TSTD2: variants seen among roughly 807,000 people sequenced by gnomAD.
TSTD2 encodes the protein thiosulfate sulfurtransferase/rhodanese-like domain-containing protein 2.
A neutral mutation model predicts 47.9 loss-of-function variants in TSTD2; 37 were observed. The ratio of observed to expected loss-of-function variants is 0.77; its 90% confidence interval spans 0.59 to 1.02. The LOEUF is 1.02. Ranked by LOEUF, TSTD2 falls within the 50% of genes least tolerant of loss-of-function variation. The pLI is 0.00. For missense variants in TSTD2, 586 were observed against 616.0 expected (o/e 0.95, Z 0.52); for synonymous variants, 201 against 215.9 (o/e 0.93, Z 0.61).
intron 6 of TSTD2, among the ~76,000 whole-genome samples, chr9:97,607,628 C>A (rs1826385852): frequency 6.6e-6 from 1 of 152,238 alleles, no homozygotes; most frequent in South Asian, 2.1e-4. Flanking sequence ...GTAGGCCAGG[C>A]ATGGTGGCTC....
At position 97,611,631 on chromosome 9, in the gene TSTD2, C is replaced by T; in HGVS notation, c.672G>A (p.Val224=). 6.2e-7 allele frequency: 1 copy of T among 1,610,764 alleles called. No individual in the cohort carries two copies. The highest frequency in any genetic ancestry group is 1.1e-5 in the South Asian group (1 of 90,992). The change falls in exon 5 of 10, where the codon GTG becomes GTA. Residue 224 remains valine, a synonymous_variant. Coordinates refer to ENST00000341170, the MANE Select transcript of TSTD2 (RefSeq NM_139246.5). ...GGSKLATRLY[V]EVMLSFPLFK... ...ACAATGGGAAGGAAAGCATGACTTC[C>T]ACATAAAGTCTGGTAGCCAATTTGC... is the stretch of plus-strand genomic sequence containing the variant.
At chr9:97,605,254 T>C (rs1169243674) in intron 8 of TSTD2, among the ~76,000 whole-genome samples, 1 of 152,254 alleles carries the variant, frequency 6.6e-6, no homozygotes, top group Admixed American at 6.5e-5. Flanking sequence ...TCTCTCCCTT[T>C]TACATCTGAT....
At chr9:97,612,802 C>T (rs748578558) in intron 4 of TSTD2, among the ~76,000 whole-genome samples, 3 of 152,214 alleles carry the variant, frequency 2.0e-5, no homozygotes, top group Admixed American at 1.3e-4. Flanking sequence ...GTGATCTACC[C>T]GCCTTGGCCT....
intron 4 of TSTD2, 27 bp downstream of exon 4, chr9:97,617,730 A>G: frequency 6.3e-7 from 1 of 1,592,368 alleles, no homozygotes; most frequent in South Asian, 1.1e-5. Context: ...GACCCAGTGA[A>G]GGAAGGAATA....
Position 97,602,854 on chromosome 9 carries a change from C to T in TSTD2, c.1253-87G>A, listed in dbSNP as rs529477256. On this transcript the variant is annotated intron_variant, in intron 9 of 9. Coordinates refer to ENST00000341170, the MANE Select transcript of TSTD2 (RefSeq NM_139246.5). ...TTGCTCCCTTTGCTGACTAGAATCT[C>T]GTAGATCCTGTGGAACCCGGGGAAG... 305 of 1,380,728 alleles carry T rather than the reference C, an allele frequency of 2.2e-4. No homozygotes were observed. The African/African-American group carries it at 2.3e-3, about 10-fold the overall frequency. The allele number at this position is 1,380,728 out of a possible 1,614,324, so 85.5% of individuals were successfully genotyped here. A position where few individuals can be genotyped will look rare whatever the true frequency, so the allele number is the denominator to read the frequency against.
chr9:97,603,065 T>A, intron 9 of TSTD2: 1 of 300,322 alleles, frequency 3.3e-6, no homozygotes, highest in Non-Finnish European at 6.4e-6. Flanking sequence ...TTTCTCTCTC[T>A]CACCAGCTAT....
intron 4 of TSTD2, among the ~76,000 whole-genome samples, chr9:97,616,553 C>T (rs1230449511): frequency 6.6e-6 from 1 of 151,888 alleles, no homozygotes; most frequent in African/African-American, 2.4e-5. Context: ...GAGAAGGGAA[C>T]GGAATTAAGG....
intron 6 of TSTD2, 147 bp from the exon 7 acceptor site, chr9:97,606,408 C>T: frequency 1.7e-6 from 1 of 574,198 alleles, no homozygotes; most frequent in South Asian, 2.3e-5. Flanking sequence ...GAAAAGAACA[C>T]TACTTGATGA....
chr9:97,607,312 C>T (rs1359224426), intron 6 of TSTD2, among the ~76,000 whole-genome samples: 1 of 152,176 alleles, frequency 6.6e-6, no homozygotes, highest in Non-Finnish European at 1.5e-5. Context: ...GGTGAATCTG[C>T]ATTATGAGGT....
At chr9:97,621,363 ATG>A (rs1387256466) in intron 3 of TSTD2, among the ~76,000 whole-genome samples, 3 of 142,388 alleles carry the variant, frequency 2.1e-5, no homozygotes, top group African/African-American at 9.0e-5. Flanking sequence ...TTTGTAAAAC[ATG>A]TGTGTTTGAA....
chr9:97,625,853 T>G lies in TSTD2; in HGVS notation c.310A>C (p.Ile104Leu), dbSNP rs781264647. ...AAAATAGAAGCTGTCTGGTGATAAA[T>G]TTCATCAGCATGTTGTGTTGCCACA... ...RHVATQHADEIYHQTASILKQ... is the reference protein window; with the variant it reads ...RHVATQHADELYHQTASILKQ... The change falls in exon 3 of 10, where the codon ATT becomes CTT. Residue 104 changes from isoleucine to leucine, a missense_variant. Coordinates refer to ENST00000341170, the MANE Select transcript of TSTD2 (RefSeq NM_139246.5). The G allele has an allele frequency of 6.2e-7, 1 of 1,614,196 alleles. No individual in the cohort carries two copies. Among genetic ancestry groups the G allele is most frequent in the East Asian group, 2.2e-5 (1 of 44,886 alleles).
At chr9:97,626,063 A>C in intron 2 of TSTD2, 66 bp from the exon 3 acceptor site, 7 of 1,442,540 alleles carry the variant, frequency 4.9e-6, no homozygotes, top group Non-Finnish European at 6.5e-6. Context: ...TAGAAGTCTC[A>C]CTAAGATTCT....
intron 3 of TSTD2, among the ~76,000 whole-genome samples, chr9:97,625,116 T>C (rs1185356193): frequency 6.6e-6 from 1 of 152,112 alleles, no homozygotes; most frequent in Non-Finnish European, 1.5e-5. Flanking sequence ...TCTTGTGTAT[T>C]CCCAAACTTT....
At position 97,617,741 on chromosome 9, in the gene TSTD2, TAG is replaced by T; in HGVS notation, c.603+14_603+15del. On this transcript the variant is annotated intron_variant, in intron 4 of 9. Coordinates refer to ENST00000341170, the MANE Select transcript of TSTD2 (RefSeq NM_139246.5). ...GATGGACCCAGTGAAGGAAGGAATA[TAG>T]GAGAAGGTGTTACCTTGCCTGTGAG... is the stretch of plus-strand genomic sequence containing the variant. 1.2e-6 allele frequency: 2 copies of T among 1,608,870 alleles called. No individual in the cohort carries two copies. Among genetic ancestry groups the T allele is most frequent in the Non-Finnish European group, 1.7e-6 (2 of 1,178,278 alleles).
chr9:97,609,195 TAAG>T (rs1387355338), intron 6 of TSTD2, among the ~76,000 whole-genome samples: 1 of 152,224 alleles, frequency 6.6e-6, no homozygotes, highest in Non-Finnish European at 1.5e-5. Context: ...TATACTGCAT[TAAG>T]AAAACCATAT....
chr9:97,617,231 G>A (rs1035039722), intron 4 of TSTD2, among the ~76,000 whole-genome samples: 5 of 152,190 alleles, frequency 3.3e-5, no homozygotes, highest in Non-Finnish European at 5.9e-5. Context: ...GCAGGGAAGA[G>A]CACTCTAGAG....
chr9:97,606,041 G>T, intron 7 of TSTD2, 102 bp downstream of exon 7: 1 of 866,872 alleles, frequency 1.2e-6, no homozygotes, highest in East Asian at 2.4e-5. Flanking sequence ...AGATCCATGT[G>T]GCCACAGGTG....
At position 97,611,452 on chromosome 9, in the gene TSTD2, A is replaced by G. The variant is rs1216937382; in HGVS notation, c.729+122T>C. 4.2e-6 allele frequency: 5 copies of G among 1,197,256 alleles called. No individual in the cohort carries two copies. The African/African-American group carries it at 7.6e-5, about 18-fold the overall frequency. 74.2% of individuals were successfully genotyped at this position (1,197,256 alleles called of 1,614,324 possible). ...AAAAAAACTCCCCAAGCCCCAAAAA[A>G]TAAAGGGGAAAGGGTATTTATTTGG... is the stretch of plus-strand genomic sequence containing the variant. On this transcript the variant is annotated intron_variant, in intron 5 of 9. Coordinates refer to ENST00000341170, the MANE Select transcript of TSTD2 (RefSeq NM_139246.5).
At chr9:97,605,443 T>C (rs1826348588) in intron 8 of TSTD2, 40 bp downstream of exon 8, 3 of 1,607,990 alleles carry the variant, frequency 1.9e-6, no homozygotes, top group African/African-American at 1.3e-5. Context: ...AGCTGCCTCC[T>C]TCACTGCCAT....
Sources: gnomAD v4.1 joint callset for allele counts (sites outside exome capture counted in the v4.1 genomes callset) on GRCh38, gnomAD v4.1.1 for gene constraint, MANE v1.5 for transcripts, NCBI Gene and HGNC (gene_info 2026-07-23, HGNC 2026-07-21) for gene names.